WDR76: variants seen among roughly 807,000 people sequenced by gnomAD.
The protein encoded by WDR76 is WD repeat domain 76, also known as WD repeat-containing protein 76.
Under a neutral mutation model 70.2 loss-of-function variants are expected in WDR76, and 52 were observed. The ratio of observed to expected loss-of-function variants is 0.74; its 90% confidence interval spans 0.59 to 0.93. WDR76 has a LOEUF of 0.93. Ranked by LOEUF, WDR76 falls within the 40% of genes least tolerant of loss-of-function variation. WDR76 has a pLI of 0.00. For missense variants in WDR76, 756 were observed against 760.2 expected (o/e 0.99, Z 0.07); for synonymous variants, 292 against 271.1 (o/e 1.08, Z -0.76).
intron 2 of WDR76, among the ~76,000 whole-genome samples, chr15:43,829,652 G>T (rs973622938): frequency 1.3e-5 from 2 of 151,614 alleles, no homozygotes; most frequent in African/African-American, 4.9e-5. Flanking sequence ...GATTACAGGC[G>T]CCCGCCACCA....
At chr15:43,855,556 A>C (rs1222899901) in intron 9 of WDR76, among the ~76,000 whole-genome samples, 2 of 152,224 alleles carry the variant, frequency 1.3e-5, no homozygotes, top group African/African-American at 2.4e-5. Flanking sequence ...AAATCAGTTC[A>C]TGATTCAACA....
intron 9 of WDR76, among the ~76,000 whole-genome samples, chr15:43,851,715 C>A (rs570352347): frequency 6.6e-6 from 1 of 152,298 alleles, no homozygotes; most frequent in South Asian, 2.1e-4. Flanking sequence ...GGGAGACTCA[C>A]TTCAGGCCAG....
chr15:43,849,812 A>G (rs2140306975), intron 8 of WDR76, among the ~76,000 whole-genome samples: 1 of 152,320 alleles, frequency 6.6e-6, no homozygotes, highest in East Asian at 1.9e-4. Flanking sequence ...CTGGGATTAC[A>G]GGTGAGCCAC....
At chr15:43,852,085 C>G (rs1322237322) in intron 9 of WDR76, among the ~76,000 whole-genome samples, 1 of 152,174 alleles carries the variant, frequency 6.6e-6, no homozygotes, top group African/African-American at 2.4e-5. Context: ...ACATCTTCTA[C>G]TTAATGTTTA....
At chr15:43,849,489 A>T (rs989443799) in intron 8 of WDR76, among the ~76,000 whole-genome samples, 2 of 152,164 alleles carry the variant, frequency 1.3e-5, no homozygotes, top group African/African-American at 2.4e-5. Context: ...AACTATAAAG[A>T]TGTCTATAAT....
chr15:43,841,036 T>C (rs1470843397), intron 5 of WDR76, among the ~76,000 whole-genome samples: 2 of 151,558 alleles, frequency 1.3e-5, no homozygotes, highest in African/African-American at 2.4e-5. Flanking sequence ...TTTTTTTCTT[T>C]CTGAGACAGA....
chr15:43,862,222 T>G (rs2088006382), intron 12 of WDR76, among the ~76,000 whole-genome samples: 1 of 151,572 alleles, frequency 6.6e-6, no homozygotes, highest in Non-Finnish European at 1.5e-5. Context: ...TTGCGAATAG[T>G]GTGTGATATA....
At chr15:43,830,545 A>G (rs1010527131) in intron 2 of WDR76, among the ~76,000 whole-genome samples, 1 of 146,876 alleles carries the variant, frequency 6.8e-6, no homozygotes, top group Admixed American at 6.7e-5. Flanking sequence ...CTGGGCAACA[A>G]GAGTGAAACT....
chr15:43,842,978 G>A (rs535284261), intron 7 of WDR76, among the ~76,000 whole-genome samples: 1 of 138,060 alleles, frequency 7.2e-6, no homozygotes, highest in South Asian at 2.4e-4. Flanking sequence ...ATGTTGTAAT[G>A]TATATACAAT....
intron 8 of WDR76, among the ~76,000 whole-genome samples, chr15:43,844,941 A>T (rs1487880871): frequency 6.4e-5 from 9 of 139,790 alleles, no homozygotes; most frequent in African/African-American, 2.3e-4. Context: ...AAAAAAAAAA[A>T]AAAAAAAAAA....
At chr15:43,852,452 A>G (rs1364828897) in intron 9 of WDR76, among the ~76,000 whole-genome samples, 2 of 152,100 alleles carry the variant, frequency 1.3e-5, no homozygotes, top group African/African-American at 4.8e-5. Context: ...GCTCACTGCA[A>G]GCTCCGCCTC....
intron 9 of WDR76, among the ~76,000 whole-genome samples, chr15:43,853,903 CAA>C (rs58460599): frequency 2.8e-5 from 3 of 108,002 alleles, no homozygotes; most frequent in African/African-American, 3.2e-5. Context: ...GAGACTGTCT[CAA>C]AAAAAAAAAA....
Position 43,858,720 on chromosome 15 carries a change from C to A in WDR76, c.1459C>A (p.Pro487Thr), listed in dbSNP as rs761799945. ...GCGATTGAATTCCAGGAGAAGTCAG[C>A]CTTTGATTTCTTTGACTGAACATAC... is the stretch of plus-strand genomic sequence containing the variant. ...ARRLNSRRSQ[P>T]LISLTEHTKS... Residue 487 changes from proline to threonine, a missense_variant, in exon 11 of 13, where the codon CCT becomes ACT. Transcript: ENST00000263795. The A allele has an allele frequency of 6.2e-7, 1 of 1,614,124 alleles. No homozygotes were observed. Among genetic ancestry groups the A allele is most frequent in the Non-Finnish European group, 8.5e-7 (1 of 1,180,022 alleles).
intron 4 of WDR76, among the ~76,000 whole-genome samples, chr15:43,838,805 G>C (rs551215486): frequency 1.3e-5 from 2 of 152,156 alleles, no homozygotes; most frequent in East Asian, 3.9e-4. Flanking sequence ...GCTTATGTAT[G>C]GGAGTTTCTC....
chr15:43,829,499 C>CTTTTTTT (rs34835269), intron 2 of WDR76, among the ~76,000 whole-genome samples: 1 of 57,966 alleles, frequency 1.7e-5, no homozygotes, highest in African/African-American at 5.7e-5. Flanking sequence ...AGCATGGCCA[C>CTTTTTTT]TTTTTTTTTT....
chr15:43,856,470 C>T (rs1479406239), intron 9 of WDR76, among the ~76,000 whole-genome samples: 3 of 152,108 alleles, frequency 2.0e-5, no homozygotes, highest in Non-Finnish European at 1.5e-5. Flanking sequence ...TGTTAAGTTT[C>T]ACAGGGTAGA....
chr15:43,841,100 A>T (rs535276946), intron 5 of WDR76, among the ~76,000 whole-genome samples: 40 of 151,470 alleles, frequency 2.6e-4, no homozygotes, highest in Middle Eastern at 6.8e-3. Context: ...AGTTCACTGC[A>T]ACCTCCGCCT....
rs373546280 is a variant in WDR76, at chr15:43,843,298, G to A, written c.879-603G>A. Among the ~76,000 whole-genome samples the A allele has an allele frequency of 1.8e-4, 27 of 152,216 alleles. No individual in the cohort carries two copies. In the East Asian group the frequency reaches 4.1e-3, roughly 23 times the overall value. ...GGACTCCCAAAGTGCTGGGATTACA[G>A]GTGTGAGCCAGTGTGCCTGGCCTGC... On this transcript the variant is annotated intron_variant, in intron 7 of 12. Transcript: ENST00000263795.
At chr15:43,833,236 C>T (rs1324900390) in intron 2 of WDR76, among the ~76,000 whole-genome samples, 2 of 151,970 alleles carry the variant, frequency 1.3e-5, no homozygotes, top group Non-Finnish European at 2.9e-5. Context: ...GTCATCATAG[C>T]TTACTACAAA....
Sources: gnomAD v4.1 joint callset for allele counts (sites outside exome capture counted in the v4.1 genomes callset) on GRCh38, gnomAD v4.1.1 for gene constraint, MANE v1.5 for transcripts, NCBI Gene and HGNC (gene_info 2026-07-23, HGNC 2026-07-21) for gene names.